Variants in TMCC1 observed in about 807,000 individuals in gnomAD.
TMCC1 encodes transmembrane and coiled-coil domains protein 1.
TMCC1 carries 15 observed loss-of-function variants against 52.4 expected under a neutral mutation model. The ratio of observed to expected loss-of-function variants is 0.29; its 90% CI spans 0.19 to 0.44. The LOEUF (loss-of-function observed/expected upper bound fraction) is 0.44. Ranked by LOEUF, TMCC1 falls within the 20% of genes least tolerant of loss-of-function variation. The probability of loss-of-function intolerance (pLI) is 1.00; values close to 1 mark genes in which losing one functional copy is unlikely to be tolerated. For missense variants in TMCC1, 503 were observed against 806.0 expected, an observed-to-expected ratio of 0.62 and a Z score of 4.55; for synonymous variants, 279 against 301.9, an observed-to-expected ratio of 0.92 and a Z score of 0.79.
At chr3:129,726,306 T>G (rs943048292) in intron 4 of TMCC1, among the ~76,000 whole-genome samples, 1 of 152,160 alleles carries the variant, frequency 6.6e-6, no homozygotes, top group Non-Finnish European at 1.5e-5. Flanking sequence ...GATACAAAAA[T>G]GAATAAGATG....
intron 4 of TMCC1, among the ~76,000 whole-genome samples, chr3:129,750,567 TA>T (rs2052404876): frequency 8.2e-6 from 1 of 121,574 alleles, no homozygotes; most frequent in African/African-American, 3.0e-5. Flanking sequence ...GAAATAGATC[TA>T]AATTTTTTTT....
chr3:129,662,878 C>A (rs951830710), intron 5 of TMCC1, among the ~76,000 whole-genome samples: 3 of 152,118 alleles, frequency 2.0e-5, no homozygotes, highest in Non-Finnish European at 4.4e-5. Flanking sequence ...TTAAATATGG[C>A]ATGAGCTTAA....
chr3:129,743,165 G>C (rs2051610499), intron 4 of TMCC1, among the ~76,000 whole-genome samples: 1 of 152,172 alleles, frequency 6.6e-6, no homozygotes, highest in African/African-American at 2.4e-5. Context: ...CTTTCAATGG[G>C]TGAGGTGTAT....
chr3:129,814,951 T>C (rs2058026546), intron 4 of TMCC1, among the ~76,000 whole-genome samples: 1 of 152,056 alleles, frequency 6.6e-6, no homozygotes, highest in African/African-American at 2.4e-5. Context: ...TAGACTGTAA[T>C]ACAATACTAG....
At chr3:129,826,712 A>T (rs896099972) in intron 4 of TMCC1, among the ~76,000 whole-genome samples, 7 of 147,348 alleles carry the variant, frequency 4.8e-5, no homozygotes, top group African/African-American at 7.5e-5. Flanking sequence ...AATATCCAAT[A>T]AAAAAAAAAC....
intron 4 of TMCC1, among the ~76,000 whole-genome samples, chr3:129,671,575 T>G (rs73863692): frequency 0.016 from 2,390 of 152,346 alleles, 47 homozygotes; most frequent in African/African-American, 0.055. Flanking sequence ...AAGTATGAAT[T>G]AATTCACTTT....
At chr3:129,758,622 T>G (rs939299768) in intron 4 of TMCC1, among the ~76,000 whole-genome samples, 2 of 152,204 alleles carry the variant, frequency 1.3e-5, no homozygotes, top group African/African-American at 4.8e-5. Context: ...GTTTCCAAAT[T>G]ATTTCCTTTT....
chr3:129,755,076 T>C (rs1011607388), intron 4 of TMCC1, among the ~76,000 whole-genome samples: 2 of 151,620 alleles, frequency 1.3e-5, no homozygotes, highest in African/African-American at 2.4e-5. Flanking sequence ...AGACTCTGTC[T>C]AAAAAAAAGT....
At chr3:129,663,263 GT>G (rs547708697) in intron 5 of TMCC1, among the ~76,000 whole-genome samples, 30 of 152,172 alleles carry the variant, frequency 2.0e-4, no homozygotes, top group Non-Finnish European at 4.4e-4. Flanking sequence ...TGCTTCCCTA[GT>G]TCGGCAATAG....
chr3:129,776,805 T>C (rs1284210810), intron 4 of TMCC1, among the ~76,000 whole-genome samples: 2 of 152,140 alleles, frequency 1.3e-5, no homozygotes, highest in African/African-American at 4.8e-5. Context: ...AATTTTTATT[T>C]ATATTTTTTT....
intron 4 of TMCC1, among the ~76,000 whole-genome samples, chr3:129,690,689 T>G (rs565202733): frequency 2.1e-4 from 32 of 152,344 alleles, no homozygotes; most frequent in African/African-American, 7.7e-4. Flanking sequence ...GAAGCATATG[T>G]TGAGACATGG....
At chr3:129,669,588 C>T (rs1465336075) in intron 5 of TMCC1, among the ~76,000 whole-genome samples, 1 of 152,094 alleles carries the variant, frequency 6.6e-6, no homozygotes, top group East Asian at 1.9e-4. Context: ...GCATGCACCA[C>T]CACACCCGGC....
At chr3:129,851,043 G>A (rs1388348715) in intron 2 of TMCC1, among the ~76,000 whole-genome samples, 3 of 152,218 alleles carry the variant, frequency 2.0e-5, no homozygotes, top group Non-Finnish European at 4.4e-5. Context: ...ATGTCACAGT[G>A]CTGCAGAGAT....
intron 4 of TMCC1, among the ~76,000 whole-genome samples, chr3:129,695,743 T>A (rs2047371252): frequency 6.6e-6 from 1 of 152,136 alleles, no homozygotes; most frequent in Admixed American, 6.6e-5. Context: ...CATATCATTC[T>A]GCCCCTGACC....
chr3:129,889,214 G>A (rs1280230370), intron 1 of TMCC1, among the ~76,000 whole-genome samples: 1 of 152,300 alleles, frequency 6.6e-6, no homozygotes, highest in East Asian at 1.9e-4. Context: ...TGAGGCTGCA[G>A]TGAGATGAGA....
intron 4 of TMCC1, among the ~76,000 whole-genome samples, chr3:129,673,957 G>A (rs1401594670): frequency 6.6e-6 from 1 of 152,046 alleles, no homozygotes; most frequent in Non-Finnish European, 1.5e-5. Context: ...GATTTTTACT[G>A]TACCTTTTCT....
rs375400559 is a variant in TMCC1, at chr3:129,654,979, G to A, written c.1636C>T (p.Arg546Trp). 1.9e-6 allele frequency: 3 copies of A among 1,613,282 alleles called. No homozygotes were observed. Among genetic ancestry groups the A allele is most frequent in the South Asian group, 1.1e-5 (1 of 91,034 alleles). Residue 546 changes from arginine to tryptophan, a missense_variant, in exon 6 of 7, where the codon CGG (arginine) becomes TGG (tryptophan). Transcript: ENST00000393238. ...TCCTTCATACTAACCTGGATGTCCCGGGCCCGTTCATAGGACTGATACGCG... is the reference window on the plus strand; with the variant it reads ...TCCTTCATACTAACCTGGATGTCCCAGGCCCGTTCATAGGACTGATACGCG... ...KIAYQSYERARDIQEALEACQ... is the reference protein window; with the variant it reads ...KIAYQSYERAWDIQEALEACQ...
chr3:129,820,928 T>C (rs960649506), intron 4 of TMCC1, among the ~76,000 whole-genome samples: 33 of 152,336 alleles, frequency 2.2e-4, no homozygotes, highest in African/African-American at 6.5e-4. Flanking sequence ...AGCAATTTCA[T>C]TGTGGCCTTT....
chr3:129,887,338 T>C (rs1330741850), intron 1 of TMCC1, among the ~76,000 whole-genome samples: 1 of 151,788 alleles, frequency 6.6e-6, no homozygotes, highest in East Asian at 1.9e-4. Context: ...GGTCAAGAGA[T>C]CGAGACCACC....
Sources: gnomAD v4.1 joint callset for allele counts (sites outside exome capture counted in the v4.1 genomes callset) on GRCh38, gnomAD v4.1.1 for gene constraint, MANE v1.5 for transcripts, NCBI Gene and HGNC (gene_info 2026-07-23, HGNC 2026-07-21) for gene names.